The following TMEM259 variants were observed in gnomAD, a reference collection of about 807,000 sequenced individuals.
The protein encoded by TMEM259 is membralin.
Under a neutral mutation model 46.7 loss-of-function variants are expected in TMEM259, and 26 were observed. The observed-to-expected ratio is 0.56, with a 90% CI of 0.41 to 0.77. The LOEUF is 0.77. Among genes scored for constraint, TMEM259 ranks in the 30% least tolerant of loss-of-function variants. The probability of loss-of-function intolerance (pLI) is 0.00; values close to 1 mark genes in which losing one functional copy is unlikely to be tolerated. For synonymous variants in TMEM259, 494 were observed against 395.1 expected (o/e 1.25, Z -2.97); for missense variants, 930 against 900.5 (o/e 1.03, Z -0.42).
rs1392939750 is a variant in TMEM259, at chr19:1,010,667, C to T, written c.1546G>A (p.Val516Met). The change falls in exon 11 of 11, where the codon GTG becomes ATG. Residue 516 changes from valine to methionine, a missense_variant. By Grantham distance (21) the Val-to-Met change is conservative. Transcript: ENST00000356663. Reference protein sequence around the residue: ...SPGASGSPGPVAAAPSSLVAA... With the variant: ...SPGASGSPGPMAAAPSSLVAA... ...ACCAGGGAGCTGGGCGCCGCTGCCA[C>T]AGGCCCGGGACTCCCGCTGGCCCCA... 3 of 1,535,772 alleles carry T rather than the reference C, an allele frequency of 2.0e-6. No individual in the cohort carries two copies. Among genetic ancestry groups the T allele is most frequent in the African/African-American group, 1.4e-5 (1 of 72,792 alleles).
chr19:1,020,638 G>A lies in TMEM259; in HGVS notation c.225+134C>T, dbSNP rs973499560. On this transcript the variant is annotated intron_variant, in intron 1 of 10. Coordinates refer to ENST00000356663, the MANE Select transcript of TMEM259 (RefSeq NM_001033026.2). This position sits in a 1 kb window ranked among gnomAD's most constrained non-coding sequence, Gnocchi z 4.0. ...GCGAGGGAGAGCCCTAATCGGTAGG[G>A]CCGGGTATAGGCCTCAGGGTGCAGG... is the stretch of plus-strand genomic sequence containing the variant. 30 of 544,322 alleles carry A rather than the reference G, an allele frequency of 5.5e-5. No homozygotes were observed. The highest frequency in any genetic ancestry group is 7.5e-5 in the Non-Finnish European group (27 of 357,696). 33.7% of individuals were successfully genotyped at this position (544,322 alleles called of 1,614,324 possible).
chr19:1,019,381 C>G (rs1447810087), intron 1 of TMEM259, among the ~76,000 whole-genome samples: 3 of 152,232 alleles, frequency 2.0e-5, no homozygotes, highest in Non-Finnish European at 4.4e-5. Flanking sequence ...GACCAGCCTC[C>G]GTCCACAGTT....
Position 1,012,530 on chromosome 19 carries a change from A to G in TMEM259, c.651T>C (p.Tyr217=), listed in dbSNP as rs2038971919. The change falls in exon 4 of 11, where the codon TAT becomes TAC. Residue 217 remains tyrosine, a synonymous_variant. Transcript: ENST00000356663. ...DEYIVEYSLE[Y]GFLRLSQATR... is the part of the protein sequence containing the mutation. ...TGGCCTGCGACAGGCGAAGGAAGCC[A>G]TACTCTAGTGAGTACTCCACGATGT... 6.2e-7 allele frequency: 1 copy of G among 1,601,110 alleles called. No individual in the cohort carries two copies. The highest frequency in any genetic ancestry group is 8.5e-7 in the Non-Finnish European group (1 of 1,175,144).
chr19:1,011,086 C>T lies in TMEM259; in HGVS notation c.1317+10G>A, dbSNP rs1210828893. 2.5e-6 allele frequency: 4 copies of T among 1,578,070 alleles called. No individual in the cohort carries two copies. The highest frequency in any genetic ancestry group is 3.4e-6 in the Non-Finnish European group (4 of 1,162,626). ...GCTGGCCTGCCCCCTGCTTGCCGCCCAGGCCTCACCTGGATGAAGAGCCAG... is the reference window on the plus strand; with the variant it reads ...GCTGGCCTGCCCCCTGCTTGCCGCCTAGGCCTCACCTGGATGAAGAGCCAG... On this transcript the variant is annotated intron_variant, in intron 10 of 10. Transcript: ENST00000356663.
chr19:1,009,687 A>G lies in TMEM259; in HGVS notation c.*663T>C. 9.5e-7 allele frequency: 1 copy of G among 1,058,070 alleles called. No individual in the cohort carries two copies. Among genetic ancestry groups the G allele is most frequent in the Non-Finnish European group, 1.3e-6 (1 of 796,416 alleles). 65.5% of individuals were successfully genotyped at this position (1,058,070 alleles called of 1,614,324 possible). ...CAGACAGTTTATTCTATATACAAAC[A>G]CAATTTTGTACACTGCAATTAAATA... is the stretch of plus-strand genomic sequence containing the variant. On this transcript the variant is annotated 3_prime_UTR_variant, in exon 11 of 11. Coordinates refer to ENST00000356663, the MANE Select transcript of TMEM259 (RefSeq NM_001033026.2).
Position 1,014,303 on chromosome 19 carries a change from G to A in TMEM259, c.396C>T (p.Gly132=), listed in dbSNP as rs371700810. ...APVFLQFCDS[G]GRGSFPGLAV... ...CCAGGCCCGGGAAGCTCCCGCGGCC[G>A]CCGCTGTCACAGAACTGTAGGAAGA... The change falls in exon 2 of 11, where the codon GGC becomes GGT. Residue 132 remains glycine, a synonymous_variant. Coordinates refer to ENST00000356663, the MANE Select transcript of TMEM259 (RefSeq NM_001033026.2). The A allele has an allele frequency of 3.9e-5, 63 of 1,612,930 alleles. No homozygotes were observed. Among genetic ancestry groups the A allele is most frequent in the Non-Finnish European group, 4.8e-5 (57 of 1,179,880 alleles).
chr19:1,011,205 G>C lies in TMEM259; in HGVS notation c.1218-10C>G. ...GTAGAGATAGAAGAACCTGCGGGGC[G>C]GGGTGAGGGCGTCGGGGCTGCAGGT... is the stretch of plus-strand genomic sequence containing the variant. On this transcript the variant is annotated splice_polypyrimidine_tract_variant and intron_variant, in intron 9 of 10. Coordinates refer to ENST00000356663, the MANE Select transcript of TMEM259 (RefSeq NM_001033026.2). The C allele has an allele frequency of 3.2e-6, 5 of 1,583,392 alleles. No homozygotes were observed. Among genetic ancestry groups the C allele is most frequent in the Non-Finnish European group, 4.3e-6 (5 of 1,164,918 alleles).
rs1347787991 is a variant in TMEM259 at position 1,010,394 on chromosome 19, C to A, written c.1819G>T (p.Ala607Ser). The change falls in exon 11 of 11, where the codon GCC becomes TCC. Residue 607 changes from alanine (A) to serine (S), a missense_variant. Transcript: ENST00000356663. ...LGAAVGGPSP[A>S]SMAPTEAPSE... ...GGCGCCTCCGTTGGGGCCATGGAGG[C>A]CGGGCTAGGCCCGCCTACCGCAGCC... is the stretch of plus-strand genomic sequence containing the variant. 1.3e-6 allele frequency: 2 copies of A among 1,509,298 alleles called. No homozygotes were observed. The highest frequency in any genetic ancestry group is 2.4e-5 in the Admixed American group (1 of 41,434). 93.5% of individuals were successfully genotyped at this position (1,509,298 alleles called of 1,614,324 possible). A position where few individuals can be genotyped will look rare whatever the true frequency, so the allele number is the denominator to read the frequency against.
chr19:1,015,780 G>A, intron 1 of TMEM259, among the ~76,000 whole-genome samples: 1 of 152,352 alleles, frequency 6.6e-6, no homozygotes. Flanking sequence ...TGAGCCACCT[G>A]TGGCCGCACA....
At position 1,010,632 on chromosome 19, in the gene TMEM259, TGCCGCGGCCACCAGGGAGCTGGGC is replaced by T. The variant is rs1431484636; in HGVS notation, c.1557_1580del (p.Pro520_Ala527del). ...CACCGGCAGCTGCTGCCACTGAGGC[TGCCGCGGCCACCAGGGAGCTGGGC>T]GCCGCTGCCACAGGCCCGGGACTCC... On this transcript the variant is annotated inframe_deletion, in exon 11 of 11. Coordinates refer to ENST00000356663, the MANE Select transcript of TMEM259 (RefSeq NM_001033026.2). 1.4e-5 allele frequency: 21 copies of T among 1,545,184 alleles called. No individual in the cohort carries two copies. Among genetic ancestry groups the T allele is most frequent in the Non-Finnish European group, 1.7e-5 (19 of 1,148,734 alleles).
intron 4 of TMEM259, 48 bp downstream of exon 4, chr19:1,012,415 G>T (rs752997278): frequency 6.2e-5 from 95 of 1,539,220 alleles, no homozygotes; most frequent in Middle Eastern, 3.4e-4. Flanking sequence ...CGAGGGAGGA[G>T]GGGAGGCCCC....
intron 1 of TMEM259, among the ~76,000 whole-genome samples, chr19:1,018,052 C>A (rs2039167631): frequency 6.6e-6 from 1 of 152,180 alleles, no homozygotes; most frequent in South Asian, 2.1e-4. Flanking sequence ...AGGCGCGGGC[C>A]CCTGCCCATG....
At chr19:1,014,062 C>T in intron 2 of TMEM259, 130 bp downstream of exon 2, 1 of 1,212,364 alleles carries the variant, frequency 8.2e-7, no homozygotes, top group Non-Finnish European at 1.1e-6. Flanking sequence ...GCAGGGGCGG[C>T]CTTGTCTGCA....
Position 1,010,095 on chromosome 19 carries a change from A to C in TMEM259, c.*255T>G. 1 of 485,486 alleles carries C rather than the reference A, an allele frequency of 2.1e-6. No individual in the cohort carries two copies. The highest frequency in any genetic ancestry group is 3.6e-6 in the Non-Finnish European group (1 of 277,724). The allele number at this position is 485,486 out of a possible 1,614,324, so 30.1% of individuals were successfully genotyped here. ...ACTGCAGACCTACCAAGACCCCTCC[A>C]GAACCTTCCGCGGAACCCCACCCCC... On this transcript the variant is annotated 3_prime_UTR_variant, in exon 11 of 11. Coordinates refer to ENST00000356663, the MANE Select transcript of TMEM259 (RefSeq NM_001033026.2).
In TMEM259 at chr19:1,020,888, G is replaced by C. The variant is rs764420191; in HGVS notation, c.109C>G (p.Leu37Val). 1.2e-5 allele frequency: 16 copies of C among 1,327,200 alleles called. No individual in the cohort carries two copies. Among genetic ancestry groups the C allele is most frequent in the Admixed American group, 7.4e-5 (2 of 27,006 alleles). 82.2% of individuals were successfully genotyped at this position (1,327,200 alleles called of 1,614,324 possible). The change falls in exon 1 of 11, where the codon CTC becomes GTC. Residue 37 changes from leucine to valine, a missense_variant. Leu to Val is a conservative substitution (Grantham distance 32). Transcript: ENST00000356663. This position sits in a 1 kb window ranked among gnomAD's most constrained non-coding sequence, Gnocchi z 4.0. Reference protein sequence around the residue: ...PRTPNLNPNPLINVRDRLFHA... With the variant: ...PRTPNLNPNPVINVRDRLFHA... ...AAGAGCCGGTCGCGCACGTTGATGA[G>C]GGGGTTGGGGTTGAGATTGGGGGTG...
rs773806451 is a variant in TMEM259, at chr19:1,011,350, C to A, written c.1217+17G>T. The A allele has an allele frequency of 6.4e-7, 1 of 1,566,312 alleles. No individual in the cohort carries two copies. The highest frequency in any genetic ancestry group is 8.6e-7 in the Non-Finnish European group (1 of 1,157,786). ...CCCACCAGCACCCACTCCACCCTGCCCCCGCGCCACGCTCACCGCAGCCAA... is the reference window on the plus strand; with the variant it reads ...CCCACCAGCACCCACTCCACCCTGCACCCGCGCCACGCTCACCGCAGCCAA... On this transcript the variant is annotated intron_variant, in intron 9 of 10. Transcript: ENST00000356663.
chr19:1,011,305 C>T (rs1443287591), intron 9 of TMEM259, 62 bp downstream of exon 9: 4 of 1,541,494 alleles, frequency 2.6e-6, no homozygotes, highest in African/African-American at 2.7e-5. Context: ...GCCCCTCCCT[C>T]TGGCAGCCCC....
rs2038885400 is a variant in TMEM259, at chr19:1,010,835, T to C, written c.1378A>G (p.Ile460Val). 1.3e-6 allele frequency: 2 copies of C among 1,574,170 alleles called. No individual in the cohort carries two copies. Among genetic ancestry groups the C allele is most frequent in the Admixed American group, 3.4e-5 (2 of 58,926 alleles). The change falls in exon 11 of 11, where the codon ATC (isoleucine) becomes GTC (valine). Residue 460 changes from isoleucine (I) to valine (V), a missense_variant. By Grantham distance (29) the Ile-to-Val change is conservative. Coordinates refer to ENST00000356663, the MANE Select transcript of TMEM259 (RefSeq NM_001033026.2). ...ELPAILQQVR[I>V]QEMLLQAPPL... ...GGCGCCTGAAGCAGCATCTCCTGGA[T>C]GCGGACCTGCTGCAGGATGGCAGGC...
In TMEM259 at chr19:1,011,060, GGCTGGCCTGCCCCCTGCTT is replaced by G. The variant is rs1425542011; in HGVS notation, c.1317+17_1317+35del. ...CAGCCTCTCCTGCCTGGAAAGGCAC[GGCTGGCCTGCCCCCTGCTT>G]GCCGCCCAGGCCTCACCTGGATGAA... On this transcript the variant is annotated intron_variant, in intron 10 of 10. Coordinates refer to ENST00000356663, the MANE Select transcript of TMEM259 (RefSeq NM_001033026.2). The G allele has an allele frequency of 4.5e-6, 7 of 1,562,280 alleles. No individual in the cohort carries two copies. In the African/African-American group the frequency reaches 9.5e-5, roughly 21 times the overall value.
Sources: gnomAD v4.1 joint callset for allele counts (sites outside exome capture counted in the v4.1 genomes callset) on GRCh38, gnomAD v4.1.1 for gene constraint, Gnocchi (gnomAD v3.1) non-coding constraint, MANE v1.5 for transcripts, NCBI Gene and HGNC (gene_info 2026-07-23, HGNC 2026-07-21) for gene names.